Variants in RPH3AL observed in about 807,000 individuals in gnomAD.
RPH3AL encodes the protein rabphilin 3A like (without C2 domains).
RPH3AL carries 38 observed loss-of-function variants against 43.1 expected under a neutral mutation model. The observed-to-expected ratio is 0.88, with a 90% CI of 0.68 to 1.15. The LOEUF (loss-of-function observed/expected upper bound fraction) is 1.15. RPH3AL is among the 50% of genes most tolerant of loss of function. RPH3AL has a pLI of 0.00. For missense variants in RPH3AL, 462 were observed against 423.2 expected (o/e 1.09, Z -0.81); for synonymous variants, 189 against 176.3 (o/e 1.07, Z -0.57).
intron 5 of RPH3AL, among the ~76,000 whole-genome samples, chr17:305,998 G>C (rs1038309260): frequency 6.1e-5 from 9 of 148,522 alleles, no homozygotes; most frequent in South Asian, 2.1e-4. Flanking sequence ...AGTTGGAAAC[G>C]TAACTGGGCA....
intron 5 of RPH3AL, among the ~76,000 whole-genome samples, chr17:317,612 C>A (rs907132798): frequency 1.3e-5 from 2 of 152,194 alleles, no homozygotes; most frequent in South Asian, 4.1e-4. Context: ...CAGTCTTACA[C>A]CCAGGCCCCC....
chr17:241,084 A>ATAATAATAC (rs1238443076), intron 7 of RPH3AL, among the ~76,000 whole-genome samples: 2 of 39,958 alleles, frequency 5.0e-5, no homozygotes, highest in African/African-American at 1.8e-4. Flanking sequence ...AATAATAATA[A>ATAATAATAC]TAATAATAAT....
intron 5 of RPH3AL, among the ~76,000 whole-genome samples, chr17:313,955 A>C (rs925514773): frequency 6.6e-6 from 1 of 152,154 alleles, no homozygotes. Context: ...CCCCGGCCTC[A>C]TCACCCAAGC....
chr17:305,451 T>C (rs571079949), intron 5 of RPH3AL, among the ~76,000 whole-genome samples: 2 of 152,094 alleles, frequency 1.3e-5, no homozygotes, highest in African/African-American at 4.8e-5. Context: ...CACACCAACC[T>C]CCTAGCCCCT....
intron 6 of RPH3AL, among the ~76,000 whole-genome samples, chr17:266,235 C>T (rs7224674): frequency 0.44 from 66,742 of 150,824 alleles, 14,987 homozygotes; most frequent in South Asian, 0.64. Context: ...TGTGTGCGTG[C>T]ACCTGCATGC....
At chr17:265,890 T>C (rs4985589) in intron 6 of RPH3AL, among the ~76,000 whole-genome samples, 79,089 of 152,094 alleles carry the variant, frequency 0.52, 20,668 homozygotes, top group South Asian at 0.69. Context: ...GCCCTTCTGT[T>C]CTGGGAGGGT....
In RPH3AL at chr17:321,407, G is replaced by A. The variant is rs765673764; in HGVS notation, c.86C>T (p.Thr29Met). 2.9e-5 allele frequency: 47 copies of A among 1,606,596 alleles called. No homozygotes were observed. The highest frequency in any genetic ancestry group is 5.0e-5 in the Admixed American group (3 of 59,884). Residue 29 changes from threonine (T) to methionine (M), a missense_variant, in exon 4 of 10, where the codon ACG becomes ATG. Physicochemically the swap from Thr to Met is moderately conservative, Grantham distance 81. Coordinates refer to ENST00000331302, the MANE Select transcript of RPH3AL (RefSeq NM_006987.4). The part of the protein sequence containing the change: ...RQLALRAKLQ[T>M]GWSVHTYQTE... ...CTGGTAGGTGTGCACGGACCAGCCCGTCTGCAGCCTCGAGAGGGAACAGCA... is the reference window on the plus strand; with the variant it reads ...CTGGTAGGTGTGCACGGACCAGCCCATCTGCAGCCTCGAGAGGGAACAGCA...
At position 275,233 on chromosome 17, in the gene RPH3AL, C is replaced by CA. The variant is rs200330448; in HGVS notation, c.438+6534dup. 6.7e-3 allele frequency among the ~76,000 whole-genome samples: 450 copies of CA among 67,132 alleles called. 5 individuals are homozygous for CA. The highest frequency in any genetic ancestry group is 0.019 in the African/African-American group (404 of 21,246). 44.0% of individuals were successfully genotyped at this position (67,132 alleles called of 152,430 possible). A position where few individuals can be genotyped will look rare whatever the true frequency, so the allele number is the denominator to read the frequency against. The stretch of plus-strand genomic sequence containing the variant: ...TTTACAGCACAATTATTCATAACAG[C>CA]AAAAAAAACAAAAAACAAAAAAAGG... On this transcript the variant is annotated intron_variant, in intron 6 of 9. Transcript: ENST00000331302.
intron 5 of RPH3AL, among the ~76,000 whole-genome samples, chr17:297,416 G>A (rs1296432110): frequency 1.3e-5 from 2 of 152,248 alleles, no homozygotes; most frequent in Non-Finnish European, 2.9e-5. Context: ...AGTTCCAGAG[G>A]TCTGGACGTG....
In RPH3AL at chr17:315,450, C is replaced by T. The variant is rs2043969920; in HGVS notation, c.351+3970G>A. On this transcript the variant is annotated intron_variant, in intron 5 of 9. Coordinates refer to ENST00000331302, the MANE Select transcript of RPH3AL (RefSeq NM_006987.4). Reference sequence around the variant, plus strand: ...ACCTGTAGTCCCTGTGCCTCACCTCCATTGACCTGTAGTCCCTGTGCTCCC... The same window carrying T: ...ACCTGTAGTCCCTGTGCCTCACCTCTATTGACCTGTAGTCCCTGTGCTCCC... Among the ~76,000 whole-genome samples the T allele has an allele frequency of 4.6e-5, 7 of 151,904 alleles. No individual in the cohort carries two copies. In the South Asian group the frequency reaches 1.5e-3, roughly 32 times the overall value.
chr17:351,538 G>T (rs1345877797), intron 1 of RPH3AL, among the ~76,000 whole-genome samples: 1 of 152,018 alleles, frequency 6.6e-6, no homozygotes, highest in African/African-American at 2.4e-5. Flanking sequence ...CCACCTAGCT[G>T]AGTCTCACTC....
At chr17:223,275 A>G (rs1347891206) in intron 7 of RPH3AL, among the ~76,000 whole-genome samples, 4 of 152,156 alleles carry the variant, frequency 2.6e-5, no homozygotes. Context: ...ATCAATTCGC[A>G]TAACATTTAA....
chr17:305,884 A>T (rs1341146289), intron 5 of RPH3AL, among the ~76,000 whole-genome samples: 1 of 131,600 alleles, frequency 7.6e-6, no homozygotes, highest in Admixed American at 8.3e-5. Flanking sequence ...GAAACAGGTC[A>T]CCCAGGCTGG....
At chr17:242,693 T>A (rs879649018) in intron 7 of RPH3AL, among the ~76,000 whole-genome samples, 1 of 43,326 alleles carries the variant, frequency 2.3e-5, no homozygotes, top group Admixed American at 2.3e-4. Flanking sequence ...CCTCTATTGA[T>A]TACCTTCCTC....
intron 6 of RPH3AL, among the ~76,000 whole-genome samples, chr17:262,894 G>T (rs558699237): frequency 6.6e-6 from 1 of 152,280 alleles, no homozygotes; most frequent in African/African-American, 2.4e-5. Flanking sequence ...CCCCAGTAAA[G>T]GCTGTGGATG....
At position 221,894 on chromosome 17, in the gene RPH3AL, ATC is replaced by A. The variant is rs1302611815; in HGVS notation, c.614-2160_614-2159del. ...TCACTGAGACAATAGACCCAAGCAC[ATC>A]AGCTCTGAGGCCTCCACTCACTGAG... On this transcript the variant is annotated intron_variant, in intron 7 of 9. Transcript: ENST00000331302. Among the ~76,000 whole-genome samples the A allele has an allele frequency of 5.4e-4, 56 of 103,098 alleles. 1 individual carries two copies. The highest frequency in any genetic ancestry group is 1.9e-3 in the East Asian group (6 of 3,180). 67.6% of individuals were successfully genotyped at this position (103,098 alleles called of 152,430 possible).
chr17:246,455 C>A lies in RPH3AL; in HGVS notation c.613+656G>T, dbSNP rs1424845141. On this transcript the variant is annotated intron_variant, in intron 7 of 9. Transcript: ENST00000331302. The surrounding 1 kb of genome is among the most constrained non-coding windows in gnomAD (Gnocchi z 4.8). ...CCTCCTCTTCTCTGAGCCGCAGGTA[C>A]ACCCATCTATAAAATGCAGTCATTA... Among the ~76,000 whole-genome samples, 1 of 152,178 alleles carries A rather than the reference C, an allele frequency of 6.6e-6. No individual in the cohort carries two copies. Among genetic ancestry groups the A allele is most frequent in the East Asian group, 1.9e-4 (1 of 5,188 alleles).
intron 5 of RPH3AL, among the ~76,000 whole-genome samples, chr17:317,974 T>C (rs1406951550): frequency 1.3e-5 from 2 of 151,598 alleles, no homozygotes; most frequent in Non-Finnish European, 2.9e-5. Context: ...GGTTTATTAT[T>C]TCCTGACATC....
chr17:327,119 A>G (rs2044638909), intron 3 of RPH3AL, among the ~76,000 whole-genome samples: 1 of 152,064 alleles, frequency 6.6e-6, no homozygotes, highest in Non-Finnish European at 1.5e-5. Flanking sequence ...ACAGGAGAGA[A>G]GGCACACGAG....
Sources: gnomAD v4.1 joint callset for allele counts (sites outside exome capture counted in the v4.1 genomes callset) on GRCh38, gnomAD v4.1.1 for gene constraint, Gnocchi (gnomAD v3.1) non-coding constraint, MANE v1.5 for transcripts, NCBI Gene and HGNC (gene_info 2026-07-23, HGNC 2026-07-21) for gene names.